RPTOR: variants seen among roughly 807,000 people sequenced by gnomAD.
The protein encoded by RPTOR is regulatory associated protein of MTOR complex 1, also known as regulatory-associated protein of mTOR.
Under a neutral mutation model 169.9 loss-of-function variants are expected in RPTOR, and 21 were observed. That is an observed-to-expected ratio of 0.12 (90% CI 0.09 to 0.18). RPTOR has a LOEUF of 0.18. RPTOR is among the 10% of genes least tolerant of loss of function. RPTOR has a pLI of 1.00. For missense variants in RPTOR, 1,133 were observed against 1,855.9 expected (o/e 0.61, Z 7.16); for synonymous variants, 732 against 753.2 (o/e 0.97, Z 0.46).
chr17:80,833,047 A>G (rs2067523637), intron 9 of RPTOR, among the ~76,000 whole-genome samples: 1 of 152,138 alleles, frequency 6.6e-6, no homozygotes, highest in African/African-American at 2.4e-5. Flanking sequence ...TTCACTTTCA[A>G]TTTCAGGGGT....
Position 80,883,972 on chromosome 17 carries a change from G to T in RPTOR, c.1842G>T (p.Glu614Asp). 1 of 1,606,852 alleles carries T rather than the reference G, an allele frequency of 6.2e-7. No individual in the cohort carries two copies. The change falls in exon 16 of 34, where the codon GAG (glutamate) becomes GAT (aspartate). Residue 614 changes from glutamate (E) to aspartate (D), a missense_variant and splice_region_variant. Physicochemically the swap from Glu to Asp is conservative, Grantham distance 45. Transcript: ENST00000306801. ...LYSLLSDPIP[E>D]VRCAAVFALG... is the part of the protein sequence containing the mutation. ...GCCTCCTCTCCGACCCCATTCCCGA[G>T]GTGAGTCAGGCGGGGGCTCAGAGTC...
At chr17:80,805,945 C>G (rs976640175) in intron 7 of RPTOR, among the ~76,000 whole-genome samples, 3 of 152,108 alleles carry the variant, frequency 2.0e-5, no homozygotes, top group Non-Finnish European at 2.9e-5. Context: ...CCGAGTTCAA[C>G]CCTACATTTA....
intron 7 of RPTOR, among the ~76,000 whole-genome samples, chr17:80,799,125 G>A (rs545612950): frequency 1.3e-3 from 195 of 152,332 alleles, no homozygotes; most frequent in African/African-American, 4.2e-3. Context: ...CCCTGCCTTC[G>A]TTAAATGAAC....
At chr17:80,917,437 A>G (rs1203637711) in intron 21 of RPTOR, among the ~76,000 whole-genome samples, 1 of 152,146 alleles carries the variant, frequency 6.6e-6, no homozygotes, top group Admixed American at 6.5e-5. Flanking sequence ...TTTTAAAATC[A>G]CATTGTCATG....
chr17:80,619,305 T>C (rs2065337745), intron 1 of RPTOR, among the ~76,000 whole-genome samples: 1 of 152,190 alleles, frequency 6.6e-6, no homozygotes, highest in South Asian at 2.1e-4. Flanking sequence ...ACATGTTTAA[T>C]TTCTTCATTC....
chr17:80,634,394 T>C (rs2065475025), intron 2 of RPTOR, among the ~76,000 whole-genome samples: 1 of 129,110 alleles, frequency 7.7e-6, no homozygotes, highest in Non-Finnish European at 1.7e-5. Flanking sequence ...ACTGTGTGCG[T>C]GTGCATACCG....
intron 10 of RPTOR, among the ~76,000 whole-genome samples, chr17:80,838,473 G>A (rs944784183): frequency 2.6e-5 from 4 of 152,330 alleles, no homozygotes; most frequent in African/African-American, 4.8e-5. Flanking sequence ...TTTAGTCGCC[G>A]CACCTGCAAG....
chr17:80,725,964 G>C (rs1172232132), intron 4 of RPTOR, among the ~76,000 whole-genome samples: 3 of 152,220 alleles, frequency 2.0e-5, no homozygotes, highest in African/African-American at 7.2e-5. Flanking sequence ...ATTTGGCAAT[G>C]TCCAGCAACC....
At chr17:80,735,507 G>C (rs947645487) in intron 5 of RPTOR, among the ~76,000 whole-genome samples, 4 of 152,212 alleles carry the variant, frequency 2.6e-5, no homozygotes, top group Non-Finnish European at 5.9e-5. Context: ...AAGTCTTAAA[G>C]AAACAGATGC....
At chr17:80,887,945 C>T (rs1456401548) in intron 17 of RPTOR, among the ~76,000 whole-genome samples, 4 of 152,070 alleles carry the variant, frequency 2.6e-5, no homozygotes, top group African/African-American at 7.2e-5. Context: ...TCAAGAAGGG[C>T]CAGGCCAGGG....
rs1052862116 is a variant in RPTOR, at chr17:80,562,197, G to A, written c.162+16406G>A. Among the ~76,000 whole-genome samples the A allele has an allele frequency of 1.3e-5, 2 of 152,092 alleles. No homozygotes were observed. The highest frequency in any genetic ancestry group is 2.9e-5 in the Non-Finnish European group (2 of 68,020). ...GGTGCAGGAGGATGCAGGGTGACAC[G>A]CAGCCTCCTAACTGGATGTAGGAGA... On this transcript the variant is annotated intron_variant, in intron 1 of 33. Transcript: ENST00000306801. This position sits in a 1 kb window ranked among gnomAD's most constrained non-coding sequence, Gnocchi z 4.4.
intron 14 of RPTOR, among the ~76,000 whole-genome samples, chr17:80,882,449 C>T (rs2068196092): frequency 6.6e-6 from 1 of 152,240 alleles, no homozygotes; most frequent in Non-Finnish European, 1.5e-5. Context: ...ACAGCACCGG[C>T]CCCAACAGCA....
Position 80,708,409 on chromosome 17 carries a change from C to T in RPTOR, c.507+410C>T, listed in dbSNP as rs553105261. Among the ~76,000 whole-genome samples, 1 of 152,248 alleles carries T rather than the reference C, an allele frequency of 6.6e-6. No homozygotes were observed. The highest frequency in any genetic ancestry group is 2.4e-5 in the African/African-American group (1 of 41,464). Reference sequence around the variant, plus strand: ...TTTATATATTCTAAAGGGCTAATTCCAAGCTGCCCTGCAGGTGCAGGCTCT... The same window carrying T: ...TTTATATATTCTAAAGGGCTAATTCTAAGCTGCCCTGCAGGTGCAGGCTCT... On this transcript the variant is annotated intron_variant, in intron 4 of 33. Transcript: ENST00000306801. This position sits in a 1 kb window ranked among gnomAD's most constrained non-coding sequence, Gnocchi z 4.2.
chr17:80,697,002 G>A lies in RPTOR; in HGVS notation c.349-10839G>A, dbSNP rs184431178. ...CCATCACGTAGGGTGGCTGCCCTCT[G>A]CCAGCAGGAGCAAAGGGCTAGTGTG... is the stretch of plus-strand genomic sequence containing the variant. On this transcript the variant is annotated intron_variant, in intron 3 of 33. Transcript: ENST00000306801. 1.6e-3 allele frequency among the ~76,000 whole-genome samples: 237 copies of A among 152,342 alleles called. 1 individual carries two copies. Among genetic ancestry groups the A allele is most frequent in the African/African-American group, 5.5e-3 (230 of 41,582 alleles).
intron 2 of RPTOR, among the ~76,000 whole-genome samples, chr17:80,638,714 A>G (rs2065528805): frequency 6.6e-6 from 1 of 152,110 alleles, no homozygotes; most frequent in Non-Finnish European, 1.5e-5. Flanking sequence ...AACTGCTTGG[A>G]GCCCACCTCT....
chr17:80,662,515 GTCT>G (rs1251552553), intron 3 of RPTOR, among the ~76,000 whole-genome samples: 1 of 151,598 alleles, frequency 6.6e-6, no homozygotes, highest in African/African-American at 2.4e-5. Context: ...GGGGAAAATG[GTCT>G]TCTGCACTGA....
At chr17:80,837,880 C>T (rs1598342411) in intron 9 of RPTOR, 42 bp from the exon 10 acceptor site, 2 of 1,574,852 alleles carry the variant, frequency 1.3e-6, no homozygotes, top group African/African-American at 2.7e-5. Flanking sequence ...GTGTGGAAGC[C>T]CGTCCATAAT....
intron 1 of RPTOR, among the ~76,000 whole-genome samples, chr17:80,611,392 G>C (rs2065269719): frequency 6.6e-6 from 1 of 152,046 alleles, no homozygotes; most frequent in Admixed American, 6.5e-5. Context: ...CTCCTGAGTA[G>C]CTGGGATTAT....
At chr17:80,827,680 G>C (rs1395317116) in intron 9 of RPTOR, among the ~76,000 whole-genome samples, 3 of 152,190 alleles carry the variant, frequency 2.0e-5, no homozygotes, top group African/African-American at 7.2e-5. Context: ...GGGGTTTGGA[G>C]AGGGTGAGAG....
Sources: gnomAD v4.1 joint callset for allele counts (sites outside exome capture counted in the v4.1 genomes callset) on GRCh38, gnomAD v4.1.1 for gene constraint, Gnocchi (gnomAD v3.1) non-coding constraint, MANE v1.5 for transcripts, NCBI Gene and HGNC (gene_info 2026-07-23, HGNC 2026-07-21) for gene names.